The following ZC3H7B variants were observed in gnomAD, a reference collection of about 807,000 sequenced individuals.
ZC3H7B encodes zinc finger CCCH domain-containing protein 7B.
A neutral mutation model predicts 116.0 loss-of-function variants in ZC3H7B; 35 were observed. That is an observed-to-expected ratio of 0.30 (90% CI 0.23 to 0.40). The LOEUF (loss-of-function observed/expected upper bound fraction) is 0.40, where lower values mean the gene tolerates loss of function less well. Ranked by LOEUF, ZC3H7B falls within the 10% of genes least tolerant of loss-of-function variation. ZC3H7B has a pLI of 1.00. For synonymous variants in ZC3H7B, 502 were observed against 545.6 expected (o/e 0.92, Z 1.11); for missense variants, 1,011 against 1,321.5 (o/e 0.77, Z 3.64).
At position 41,339,035 on chromosome 22, in the gene ZC3H7B, TCTC is replaced by T; in HGVS notation, c.662_664del (p.Leu221del). On this transcript the variant is annotated inframe_deletion, in exon 9 of 23. Transcript: ENST00000352645. ...TGGACCCTCGAGGCTCCCCAGCCCT[TCTC>T]CCCTCCACGCCCACGATGCCCCTGT... 6.2e-7 allele frequency: 1 copy of T among 1,604,614 alleles called. No individual in the cohort carries two copies. Among genetic ancestry groups the T allele is most frequent in the Non-Finnish European group, 8.5e-7 (1 of 1,174,490 alleles).
chr22:41,313,179 C>T (rs1323475687), intron 1 of ZC3H7B, among the ~76,000 whole-genome samples: 2 of 132,608 alleles, frequency 1.5e-5, no homozygotes, highest in Non-Finnish European at 3.3e-5. Context: ...AGTGCAGTGG[C>T]GCGATATCAG....
At chr22:41,339,235 CCGCTGTG>C in intron 9 of ZC3H7B, 44 bp downstream of exon 9, 1 of 1,552,414 alleles carries the variant, frequency 6.4e-7, no homozygotes, top group Admixed American at 1.8e-5. Flanking sequence ...TCCCCTCTCC[CCGCTGTG>C]TCCCCATTGT....
At chr22:41,330,238 C>T in intron 6 of ZC3H7B, 135 bp downstream of exon 6, 2 of 823,102 alleles carry the variant, frequency 2.4e-6, no homozygotes, top group Non-Finnish European at 1.9e-6. Context: ...AGCAGGTGAT[C>T]TTCCTTGTCT....
intron 7 of ZC3H7B, chr22:41,332,479 C>G: frequency 2.1e-6 from 1 of 482,052 alleles, no homozygotes; most frequent in Non-Finnish European, 3.7e-6. Flanking sequence ...TCTGGGCAGC[C>G]TGGTCCCACA....
Position 41,302,961 on chromosome 22 carries a change from C to T in ZC3H7B, c.-7+1189C>T, listed in dbSNP as rs2035992270. Among the ~76,000 whole-genome samples, 1 of 152,234 alleles carries T rather than the reference C, an allele frequency of 6.6e-6. No homozygotes were observed. Among genetic ancestry groups the T allele is most frequent in the Non-Finnish European group, 1.5e-5 (1 of 68,042 alleles). On this transcript the variant is annotated intron_variant, in intron 1 of 22. Coordinates refer to ENST00000352645, the MANE Select transcript of ZC3H7B (RefSeq NM_017590.6). This position sits in a 1 kb window ranked among gnomAD's most constrained non-coding sequence, Gnocchi z 5.7. ...TTCTTGCCATATTCCTCAGCATCTG[C>T]AGTTCAGCCTGATGAAAATAGCAGA...
At chr22:41,356,173 G>A in intron 20 of ZC3H7B, 111 bp downstream of exon 20, 1 of 1,442,846 alleles carries the variant, frequency 6.9e-7, no homozygotes, top group African/African-American at 1.4e-5. Flanking sequence ...TGCTACCTGG[G>A]CCCTTCTCCA....
Position 41,358,450 on chromosome 22 carries a change from G to C in ZC3H7B, c.*1021G>C, listed in dbSNP as rs1331339967. ...ACCTCCTGACATGCGCTCTGGGAAA[G>C]GTGGCAGAGGGCAGGACACCATGAG... On this transcript the variant is annotated 3_prime_UTR_variant, in exon 23 of 23. Coordinates refer to ENST00000352645, the MANE Select transcript of ZC3H7B (RefSeq NM_017590.6). 2 of 152,476 alleles carry C rather than the reference G, an allele frequency of 1.3e-5. No individual in the cohort carries two copies. Among genetic ancestry groups the C allele is most frequent in the Non-Finnish European group, 2.9e-5 (2 of 68,230 alleles). 9.4% of individuals were successfully genotyped at this position (152,476 alleles called of 1,614,324 possible).
At chr22:41,307,546 C>T (rs575686385) in intron 1 of ZC3H7B, among the ~76,000 whole-genome samples, 1 of 152,346 alleles carries the variant, frequency 6.6e-6, no homozygotes, top group African/African-American at 2.4e-5. Context: ...TGCAGCATCA[C>T]AGCTCCTCAG....
chr22:41,344,425 G>T (rs1468593724), intron 13 of ZC3H7B, among the ~76,000 whole-genome samples: 1 of 152,170 alleles, frequency 6.6e-6, no homozygotes, highest in Non-Finnish European at 1.5e-5. Context: ...ACACGTGCCC[G>T]TATCCACCCC....
intron 11 of ZC3H7B, among the ~76,000 whole-genome samples, chr22:41,341,921 G>T (rs912044116): frequency 1.3e-5 from 2 of 152,080 alleles, no homozygotes; most frequent in African/African-American, 4.8e-5. Context: ...AATTAGCTGG[G>T]TGTAGTGGCG....
intron 11 of ZC3H7B, 34 bp from the exon 12 acceptor site, chr22:41,342,495 A>T (rs2036534762): frequency 6.2e-7 from 1 of 1,603,616 alleles, no homozygotes; most frequent in Non-Finnish European, 8.5e-7. Flanking sequence ...GCCATCATCC[A>T]GTGCCCACAA....
intron 12 of ZC3H7B, among the ~76,000 whole-genome samples, chr22:41,343,184 G>T (rs960674529): frequency 2.0e-5 from 3 of 152,126 alleles, no homozygotes; most frequent in Admixed American, 6.6e-5. Context: ...AAAAAAAGGA[G>T]GGGGGATGGG....
intron 17 of ZC3H7B, among the ~76,000 whole-genome samples, chr22:41,352,429 A>G (rs936706726): frequency 2.6e-5 from 4 of 152,152 alleles, no homozygotes; most frequent in Non-Finnish European, 4.4e-5. Flanking sequence ...AATTAAGACT[A>G]TACTTTCAGG....
chr22:41,308,852 C>T (rs903931045), intron 1 of ZC3H7B, among the ~76,000 whole-genome samples: 1 of 152,086 alleles, frequency 6.6e-6, no homozygotes, highest in Non-Finnish European at 1.5e-5. Context: ...TTTCCTGGAA[C>T]ATTATCAGCT....
At position 41,356,737 on chromosome 22, in the gene ZC3H7B, C is replaced by T; in HGVS notation, c.2610C>T (p.Val870=). ...HIQSEKHKEK[V]FTSDSDASGW... ...AGTCCGAGAAGCACAAGGAGAAGGTCTTCACGTCCGACAGTGACGCCAGCG... is the reference window on the plus strand; with the variant it reads ...AGTCCGAGAAGCACAAGGAGAAGGTTTTCACGTCCGACAGTGACGCCAGCG... Residue 870 remains valine, a synonymous_variant, in exon 22 of 23, where the codon GTC becomes GTT. Coordinates refer to ENST00000352645, the MANE Select transcript of ZC3H7B (RefSeq NM_017590.6). 6.2e-7 allele frequency: 1 copy of T among 1,613,686 alleles called. No homozygotes were observed. The highest frequency in any genetic ancestry group is 8.5e-7 in the Non-Finnish European group (1 of 1,180,002).
At position 41,343,466 on chromosome 22, in the gene ZC3H7B, A is replaced by G. The variant is rs757304291; in HGVS notation, c.1349A>G (p.Lys450Arg). 34 of 1,613,770 alleles carry G rather than the reference A, an allele frequency of 2.1e-5. No homozygotes were observed. Among genetic ancestry groups the G allele is most frequent in the Non-Finnish European group, 1.4e-5 (16 of 1,179,910 alleles). Residue 450 changes from lysine to arginine, a missense_variant, in exon 13 of 23, where the codon AAG becomes AGG. Physicochemically the swap from Lys to Arg is conservative, Grantham distance 26. This residue lies in a region of ZC3H7B where 179 missense variants were observed against 178.5 expected (regional missense o/e 1.00). Transcript: ENST00000352645. ...TYREGLEHKC[K>R]RDILLGRLRS... ...CGTGAGGGCCTTGAGCACAAGTGCA[A>G]GCGGGACATCCTGCTCGGCCGGCTC...
intron 14 of ZC3H7B, among the ~76,000 whole-genome samples, chr22:41,347,623 G>A (rs546630605): frequency 1.3e-4 from 20 of 152,256 alleles, no homozygotes; most frequent in African/African-American, 4.6e-4. Context: ...GGCAGGGTTT[G>A]GTGCCGCTCA....
chr22:41,325,626 G>A, intron 3 of ZC3H7B, 29 bp downstream of exon 3: 2 of 1,610,994 alleles, frequency 1.2e-6, no homozygotes, highest in Admixed American at 1.7e-5. Flanking sequence ...GCTGAGCAAA[G>A]GTGAAGGGCG....
chr22:41,339,320 T>A, intron 9 of ZC3H7B, 129 bp downstream of exon 9: 1 of 1,157,148 alleles, frequency 8.6e-7, no homozygotes. Flanking sequence ...AGTAGGGACT[T>A]GTTTGGTACA....
Sources: allele counts gnomAD v4.1 joint callset (sites outside exome capture counted in the v4.1 genomes callset), GRCh38; gene constraint gnomAD v4.1.1; regional missense constraint gnomAD v4.1.1; non-coding constraint Gnocchi (gnomAD v3.1); transcripts MANE v1.5; gene names NCBI Gene and HGNC (gene_info 2026-07-23, HGNC 2026-07-21).